The following THRAP3 variants were observed in gnomAD, a reference collection of about 807,000 sequenced individuals.
THRAP3 encodes thyroid hormone receptor-associated protein 3.
A neutral mutation model predicts 101.0 loss-of-function variants in THRAP3; 16 were observed. That is an observed-to-expected ratio of 0.16 (90% CI 0.11 to 0.24). THRAP3 has a LOEUF of 0.24. Ranked by LOEUF, THRAP3 falls within the 10% of genes least tolerant of loss-of-function variation. THRAP3 has a pLI of 1.00. For missense variants in THRAP3, 989 were observed against 1,202.7 expected (o/e 0.82, Z 2.63); for synonymous variants, 407 against 422.6 (o/e 0.96, Z 0.45).
the THRAP3 span, among the ~76,000 whole-genome samples, chr1:36,218,163 G>A: frequency 2.6e-5 from 4 of 151,588 alleles, no homozygotes; most frequent in African/African-American, 9.7e-5. Flanking sequence ...TCAGGAGTTC[G>A]AGACCAGCCT....
chr1:36,220,671 C>T (rs994062973), upstream of THRAP3, among the ~76,000 whole-genome samples: 2 of 149,766 alleles, frequency 1.3e-5, no homozygotes, highest in African/African-American at 4.9e-5. Context: ...ACTGAGACCT[C>T]GGCTGGGCAC....
At chr1:36,249,672 G>A (rs1348151456) in intron 1 of THRAP3, among the ~76,000 whole-genome samples, 1 of 143,506 alleles carries the variant, frequency 7.0e-6, no homozygotes, top group Non-Finnish European at 1.5e-5. Context: ...TCGAATAAGC[G>A]AAGCAGGTGG....
chr1:36,264,120 C>T (rs532763738), intron 2 of THRAP3, among the ~76,000 whole-genome samples: 4 of 152,270 alleles, frequency 2.6e-5, no homozygotes, highest in Admixed American at 6.5e-5. Context: ...AGTGCAGTGG[C>T]GCAGTCTCAG....
At chr1:36,301,514 C>T in intron 10 of THRAP3, 39 bp from the exon 11 acceptor site, 1 of 1,603,038 alleles carries the variant, frequency 6.2e-7, no homozygotes. Flanking sequence ...CCATTCCTGG[C>T]ATGATCCTTT....
chr1:36,300,842 C>G, intron 9 of THRAP3, 44 bp from the exon 10 acceptor site: 4 of 1,601,004 alleles, frequency 2.5e-6, no homozygotes, highest in Non-Finnish European at 3.4e-6. Flanking sequence ...AAGCAGTGTC[C>G]CTTAGAAAGA....
the THRAP3 span, among the ~76,000 whole-genome samples, chr1:36,207,846 G>A: frequency 6.6e-6 from 1 of 152,096 alleles, no homozygotes; most frequent in Non-Finnish European, 1.5e-5. Context: ...AGGTTGGAGT[G>A]CCGTGGCACG....
Position 36,303,899 on chromosome 1 carries a change from G to A in THRAP3, c.2750G>A (p.Ser917Asn). 9.3e-6 allele frequency: 15 copies of A among 1,613,752 alleles called. No homozygotes were observed. The highest frequency in any genetic ancestry group is 1.3e-5 in the Non-Finnish European group (15 of 1,179,882). Residue 917 changes from serine (S) to asparagine (N), a missense_variant, in exon 12 of 12, where the codon AGT becomes AAT. Coordinates refer to ENST00000354618, the MANE Select transcript of THRAP3 (RefSeq NM_005119.4). ...GRGRFMFRKSSTSPKWAHDKF... is the reference protein window; with the variant it reads ...GRGRFMFRKSNTSPKWAHDKF... ...GGCCGGTTCATGTTCCGGAAATCAA[G>A]TACCAGCCCCAAGTGGGCCCATGAC... is the stretch of plus-strand genomic sequence containing the variant.
chr1:36,298,904 C>T (rs1397139907), intron 9 of THRAP3, among the ~76,000 whole-genome samples: 1 of 152,200 alleles, frequency 6.6e-6, no homozygotes, highest in Non-Finnish European at 1.5e-5. Context: ...AAGTGATCTA[C>T]CCATCTCAGC....
upstream of THRAP3, among the ~76,000 whole-genome samples, chr1:36,220,879 C>T (rs993989527): frequency 2.8e-5 from 4 of 145,282 alleles, no homozygotes; most frequent in East Asian, 2.0e-4. Context: ...CGCTTGAACC[C>T]GGGGGCGCAG....
rs1359782118 is a variant in THRAP3 at position 36,287,136 on chromosome 1, C to T, written c.906C>T (p.Phe302=). The change falls in exon 4 of 12, where the codon TTC becomes TTT. Residue 302 remains phenylalanine, a synonymous_variant. Coordinates refer to ENST00000354618, the MANE Select transcript of THRAP3 (RefSeq NM_005119.4). ...AGTCTGGGACACACCAAGGTCAGTT[C>T]GACCATGGTTCTGGGTCCCTGAGTC... ...GYQSGTHQGQ[F]DHGSGSLSPS... 10 of 1,614,042 alleles carry T rather than the reference C, an allele frequency of 6.2e-6. No homozygotes were observed. The highest frequency in any genetic ancestry group is 1.6e-4 in the Middle Eastern group (1 of 6,084).
At chr1:36,268,482 C>G (rs548774944) in intron 2 of THRAP3, among the ~76,000 whole-genome samples, 1 of 152,148 alleles carries the variant, frequency 6.6e-6, no homozygotes, top group Admixed American at 6.5e-5. Flanking sequence ...TAAAGTACTT[C>G]AGAGGTTATT....
At chr1:36,216,704 G>C in the THRAP3 span, among the ~76,000 whole-genome samples, 2 of 152,000 alleles carry the variant, frequency 1.3e-5, no homozygotes, top group African/African-American at 4.8e-5. Context: ...AGGATTGCTT[G>C]AGCCCAGGAG....
intron 1 of THRAP3, among the ~76,000 whole-genome samples, chr1:36,246,796 C>G (rs142551010): frequency 6.6e-6 from 1 of 151,546 alleles, no homozygotes; most frequent in Admixed American, 6.6e-5. Context: ...GAGTGGAGAT[C>G]GTGCCACTGC....
chr1:36,271,663 C>T (rs928296849), intron 2 of THRAP3, among the ~76,000 whole-genome samples: 2 of 135,934 alleles, frequency 1.5e-5, no homozygotes, highest in African/African-American at 5.6e-5. Flanking sequence ...GTGCAGTCTT[C>T]GCTCACCACA....
rs199986987 is a variant in THRAP3, at chr1:36,292,836, C to CT, written c.2030+128dup. 8.7e-3 allele frequency: 5,719 copies of CT among 654,144 alleles called. 50 individuals carry two copies. The highest frequency in any genetic ancestry group is 0.012 in the Non-Finnish European group (4,571 of 377,040). 40.5% of individuals were successfully genotyped at this position (654,144 alleles called of 1,614,324 possible). A position where few individuals can be genotyped will look rare whatever the true frequency, so the allele number is the denominator to read the frequency against. On this transcript the variant is annotated intron_variant, in intron 7 of 11. Coordinates refer to ENST00000354618, the MANE Select transcript of THRAP3 (RefSeq NM_005119.4). ...AATTTACAGTAACATCCTTCAGACT[C>CT]TAAGAGAGCTATAGGCATTTATATT...
intron 1 of THRAP3, among the ~76,000 whole-genome samples, chr1:36,244,287 G>A (rs911373156): frequency 7.2e-5 from 11 of 151,970 alleles, no homozygotes; most frequent in African/African-American, 2.4e-4. Flanking sequence ...TCCAAAATTG[G>A]TAATGTTATT....
At chr1:36,208,070 G>T in the THRAP3 span, among the ~76,000 whole-genome samples, 6 of 152,170 alleles carry the variant, frequency 3.9e-5, no homozygotes, top group African/African-American at 1.2e-4. Flanking sequence ...TGGGATTATA[G>T]GCATGAGCCA....
At chr1:36,224,292 C>A (rs1164605738), upstream of THRAP3, 1 of 152,290 alleles carries the variant, frequency 6.6e-6, no homozygotes, top group African/African-American at 2.4e-5. Flanking sequence ...GCGGCGGGCC[C>A]AACGCTCGCC....
chr1:36,235,149 A>G (rs576089957), intron 1 of THRAP3, among the ~76,000 whole-genome samples: 13 of 151,686 alleles, frequency 8.6e-5, no homozygotes, highest in Non-Finnish European at 1.8e-4. Flanking sequence ...ATCTCTGTCT[A>G]GCTGCAGGGG....
Sources: allele counts gnomAD v4.1 joint callset (sites outside exome capture counted in the v4.1 genomes callset), GRCh38; gene constraint gnomAD v4.1.1; transcripts MANE v1.5; gene names NCBI Gene and HGNC (gene_info 2026-07-23, HGNC 2026-07-21).